Variants in BOD1L1 observed in about 807,000 individuals in gnomAD.
BOD1L1 encodes the protein biorientation of chromosomes in cell division 1 like 1.
A neutral mutation model predicts 240.7 loss-of-function variants in BOD1L1; 86 were observed. The ratio of observed to expected loss-of-function variants is 0.36; its 90% CI spans 0.30 to 0.43. The LOEUF (loss-of-function observed/expected upper bound fraction) is 0.43, where lower values mean the gene tolerates loss of function less well. Among genes scored for constraint, BOD1L1 ranks in the 20% least tolerant of loss-of-function variants. The pLI, the probability that BOD1L1 is intolerant of heterozygous loss-of-function variation, is 1.00. For synonymous variants in BOD1L1, 1,268 were observed against 1,272.3 expected (o/e 1.00, Z 0.07); for missense variants, 3,554 against 3,643.5 (o/e 0.98, Z 0.63).
intron 9 of BOD1L1, among the ~76,000 whole-genome samples, chr4:13,606,090 T>G (rs1347608412): frequency 6.6e-6 from 1 of 152,114 alleles, no homozygotes; most frequent in African/African-American, 2.4e-5. Flanking sequence ...TCCTTAAATG[T>G]CAACACAAAG....
At chr4:13,606,908 T>G (rs543324194) in intron 9 of BOD1L1, among the ~76,000 whole-genome samples, 1 of 152,278 alleles carries the variant, frequency 6.6e-6, no homozygotes, top group African/African-American at 2.4e-5. Context: ...AGAGTAGCTA[T>G]TACCTAGATA....
chr4:13,604,216 T>G lies in BOD1L1; in HGVS notation c.2684A>C (p.Lys895Thr), dbSNP rs1369497933. Residue 895 changes from lysine to threonine, a missense_variant, in exon 10 of 26, where the codon AAG becomes ACG. Physicochemically the swap from Lys to Thr is moderately conservative, Grantham distance 78 (BLOSUM62 -1). Around this residue, in one of 2 missense-constraint regions of BOD1L1, gnomAD observed 3,393 missense variants for 3,427.1 expected, o/e 0.99. Coordinates refer to ENST00000040738, the MANE Select transcript of BOD1L1 (RefSeq NM_148894.3). ...SNLKPEEVVH[K>T]EKRRTKSLLE... ...CAAGCTCTTTGTTCGTCGTTTCTCC[T>G]TGTGAACAACCTCTTCTGGTTTCAA... 6.2e-7 allele frequency: 1 copy of G among 1,613,618 alleles called. No individual in the cohort carries two copies. Among genetic ancestry groups the G allele is most frequent in the Non-Finnish European group, 8.5e-7 (1 of 1,179,840 alleles).
In BOD1L1 at chr4:13,604,672, T is replaced by C. The variant is rs2108959788; in HGVS notation, c.2228A>G (p.His743Arg). Residue 743 changes from histidine (H) to arginine (R), a missense_variant, in exon 10 of 26, where the codon CAT becomes CGT. Transcript: ENST00000040738. ...TPSEDKLSVK[H>R]KYKGDCMHKT... is the part of the protein sequence containing the mutation. ...ATGCATACAATCACCTTTATATTTA[T>C]GTTTCACAGACAATTTGTCTTCCGA... is the stretch of plus-strand genomic sequence containing the variant. 2.5e-6 allele frequency: 4 copies of C among 1,591,214 alleles called. No individual in the cohort carries two copies. The highest frequency in any genetic ancestry group is 2.2e-5 in the East Asian group (1 of 44,744).
At position 13,601,643 on chromosome 4, in the gene BOD1L1, G is replaced by A. The variant is rs772038933; in HGVS notation, c.5257C>T (p.Arg1753Cys). Residue 1753 changes from arginine (R) to cysteine (C), a missense_variant, in exon 10 of 26, where the codon CGC (arginine) becomes TGC (cysteine). Transcript: ENST00000040738. ...ACAACACCTGCACCTGTAACCATGC[G>A]TTCCTCCCGGGGCCCTGCTCCAGTT... ...SVTGAGPREE[R>C]MVTGAGVVLG... 3.1e-5 allele frequency: 50 copies of A among 1,613,776 alleles called. No homozygotes were observed. Among genetic ancestry groups the A allele is most frequent in the East Asian group, 2.5e-4 (11 of 44,886 alleles).
At chr4:13,580,044 C>A in intron 21 of BOD1L1, 71 bp from the exon 22 acceptor site, 2 of 1,115,052 alleles carry the variant, frequency 1.8e-6, no homozygotes, top group South Asian at 2.7e-5. Flanking sequence ...GAAATGCAAT[C>A]AATGATGTAA....
At chr4:13,616,286 A>G (rs1468363053) in intron 2 of BOD1L1, among the ~76,000 whole-genome samples, 1 of 152,246 alleles carries the variant, frequency 6.6e-6, no homozygotes, top group Non-Finnish European at 1.5e-5. Context: ...TGCTTATTAG[A>G]GGAATAAGAA....
chr4:13,586,218 A>G (rs969991927), intron 17 of BOD1L1, among the ~76,000 whole-genome samples, 178 bp downstream of exon 17: 1 of 152,230 alleles, frequency 6.6e-6, no homozygotes, highest in African/African-American at 2.4e-5. Context: ...AAAGTGCAAC[A>G]TTTGATTTTT....
At chr4:13,577,294 A>G in intron 24 of BOD1L1, 109 bp downstream of exon 24, 1 of 857,746 alleles carries the variant, frequency 1.2e-6, no homozygotes, top group Non-Finnish European at 1.8e-6. Context: ...ATATTTATAT[A>G]ATATTAATAT....
chr4:13,612,393 T>C (rs1716243560), intron 5 of BOD1L1, among the ~76,000 whole-genome samples: 1 of 152,162 alleles, frequency 6.6e-6, no homozygotes, highest in African/African-American at 2.4e-5. Flanking sequence ...AAGAGCAACA[T>C]AAGATATTGG....
intron 3 of BOD1L1, 91 bp downstream of exon 3, chr4:13,615,220 TA>T: frequency 7.8e-7 from 1 of 1,289,786 alleles, no homozygotes; most frequent in East Asian, 2.4e-5. Context: ...ATAGCCAAAT[TA>T]AAAAATGTGT....
chr4:13,607,993 T>C (rs1560209596), intron 8 of BOD1L1, among the ~76,000 whole-genome samples: 1 of 152,200 alleles, frequency 6.6e-6, no homozygotes, highest in South Asian at 2.1e-4. Flanking sequence ...TTGCAGCCCA[T>C]GGCTCACATG....
intron 6 of BOD1L1, 96 bp downstream of exon 6, chr4:13,610,838 C>T: frequency 4.7e-6 from 5 of 1,053,148 alleles, no homozygotes; most frequent in Non-Finnish European, 6.7e-6. Context: ...TCCTGTATGT[C>T]TCTGCTTCAT....
rs1471177888 is a variant in BOD1L1 at position 13,598,815 on chromosome 4, T to C, written c.7954+131A>G. 4.2e-6 allele frequency: 4 copies of C among 952,474 alleles called. No individual in the cohort carries two copies. In the African/African-American group the frequency reaches 5.0e-5, roughly 12 times the overall value. 59.0% of individuals were successfully genotyped at this position (952,474 alleles called of 1,614,324 possible). ...AGAGTTATTTTGCAACATTATGATATGAGAAAAAAATTTATAGATATTTTA... is the reference window on the plus strand; with the variant it reads ...AGAGTTATTTTGCAACATTATGATACGAGAAAAAAATTTATAGATATTTTA... On this transcript the variant is annotated intron_variant, in intron 10 of 25. Transcript: ENST00000040738.
chr4:13,588,120 G>A (rs899277487), intron 15 of BOD1L1, among the ~76,000 whole-genome samples: 1 of 151,166 alleles, frequency 6.6e-6, no homozygotes, highest in African/African-American at 2.4e-5. Context: ...CCCCGGAGGC[G>A]GAGCTTGCAG....
chr4:13,616,822 CT>C (rs1716637624), intron 2 of BOD1L1, among the ~76,000 whole-genome samples: 1 of 151,896 alleles, frequency 6.6e-6, no homozygotes. Flanking sequence ...AGGTTACCTG[CT>C]TTTTAAAGAT....
chr4:13,590,378 T>G lies in BOD1L1; in HGVS notation c.8209+8A>C. The stretch of plus-strand genomic sequence containing the variant: ...TTAAAACTATAACTATGAAATTCAT[T>G]AACTTACCTCCTTTGTTATAAGATT... On this transcript the variant is annotated splice_region_variant and intron_variant, in intron 14 of 25. Coordinates refer to ENST00000040738, the MANE Select transcript of BOD1L1 (RefSeq NM_148894.3). The G allele has an allele frequency of 3.4e-6, 5 of 1,449,390 alleles. No homozygotes were observed. Among genetic ancestry groups the G allele is most frequent in the African/African-American group, 1.4e-5 (1 of 70,100 alleles). The allele number at this position is 1,449,390 out of a possible 1,614,324, so 89.8% of individuals were successfully genotyped here. A position where few individuals can be genotyped will look rare whatever the true frequency, so the allele number is the denominator to read the frequency against.
intron 1 of BOD1L1, among the ~76,000 whole-genome samples, chr4:13,621,730 C>A (rs1429205532): frequency 6.6e-6 from 1 of 152,172 alleles, no homozygotes; most frequent in East Asian, 1.9e-4. Context: ...CACAGAATGA[C>A]AAACATTTTA....
At chr4:13,626,938 C>G (rs937930737) in intron 1 of BOD1L1, among the ~76,000 whole-genome samples, 1 of 152,196 alleles carries the variant, frequency 6.6e-6, no homozygotes, top group Non-Finnish European at 1.5e-5. Flanking sequence ...GATTCAATTA[C>G]CATTTAGTCA....
intron 12 of BOD1L1, among the ~76,000 whole-genome samples, chr4:13,594,325 T>C (rs1714442343): frequency 6.6e-6 from 1 of 152,164 alleles, no homozygotes; most frequent in Admixed American, 6.5e-5. Context: ...TAGTTCCTAG[T>C]ACTTAGAAAA....
Sources: gnomAD v4.1 joint callset for allele counts (sites outside exome capture counted in the v4.1 genomes callset) on GRCh38, gnomAD v4.1.1 for gene constraint, gnomAD v4.1.1 regional missense constraint, MANE v1.5 for transcripts, NCBI Gene and HGNC (gene_info 2026-07-23, HGNC 2026-07-21) for gene names.